The following TTC9 variants were observed in gnomAD, a reference collection of about 807,000 sequenced individuals.
The protein encoded by TTC9 is tetratricopeptide repeat protein 9A.
Under a neutral mutation model 22.9 loss-of-function variants are expected in TTC9, and 13 were observed. The ratio of observed to expected loss-of-function variants is 0.57; its 90% CI spans 0.37 to 0.90. The LOEUF (loss-of-function observed/expected upper bound fraction) is 0.90, where lower values mean the gene tolerates loss of function less well. Among genes scored for constraint, TTC9 ranks in the 40% least tolerant of loss-of-function variants. The pLI is 0.01. For synonymous variants in TTC9, 148 were observed against 133.2 expected (o/e 1.11, Z -0.77); for missense variants, 280 against 291.8 (o/e 0.96, Z 0.29).
chr14:70,674,629 A>G lies in TTC9; in HGVS notation c.*3474A>G, dbSNP rs1001205858. On this transcript the variant is annotated 3_prime_UTR_variant, in exon 3 of 3. Transcript: ENST00000256367. Reference sequence around the variant, plus strand: ...TTCCCTCTAATTTATTTTGCATCCTAGTGGAGATGCTTACACATTGTCAAA... The same window carrying G: ...TTCCCTCTAATTTATTTTGCATCCTGGTGGAGATGCTTACACATTGTCAAA... The G allele has an allele frequency of 2.9e-4, 44 of 152,226 alleles. No homozygotes were observed. Among genetic ancestry groups the G allele is most frequent in the African/African-American group, 1.1e-3 (44 of 41,460 alleles). The allele number at this position is 152,226 out of a possible 1,614,324, so 9.4% of individuals were successfully genotyped here.
intron 1 of TTC9, among the ~76,000 whole-genome samples, chr14:70,647,435 A>G (rs1885918862): frequency 6.6e-6 from 1 of 152,210 alleles, no homozygotes; most frequent in Non-Finnish European, 1.5e-5. Flanking sequence ...GTTGGCTAAT[A>G]TGGGAAAGCA....
At chr14:70,642,902 G>A (rs1230216159) in intron 1 of TTC9, among the ~76,000 whole-genome samples, 1 of 152,198 alleles carries the variant, frequency 6.6e-6, no homozygotes, top group African/African-American at 2.4e-5. Flanking sequence ...TTTTCCTGCG[G>A]GTGGGTCCCA....
intron 1 of TTC9, among the ~76,000 whole-genome samples, chr14:70,664,543 T>C (rs1045397719): frequency 2.0e-5 from 3 of 151,984 alleles, no homozygotes; most frequent in African/African-American, 7.3e-5. Context: ...CTGACCAATA[T>C]GGTGAAACCC....
chr14:70,662,190 T>C (rs1886153258), intron 1 of TTC9, among the ~76,000 whole-genome samples: 1 of 152,194 alleles, frequency 6.6e-6, no homozygotes, highest in Non-Finnish European at 1.5e-5. Flanking sequence ...TTCCACCCTG[T>C]ACCTCTTCTG....
At chr14:70,662,898 T>C (rs1458547239) in intron 1 of TTC9, among the ~76,000 whole-genome samples, 1 of 152,190 alleles carries the variant, frequency 6.6e-6, no homozygotes, top group African/African-American at 2.4e-5. Flanking sequence ...AAATCCAAAA[T>C]GACAATAAAG....
intron 1 of TTC9, among the ~76,000 whole-genome samples, chr14:70,652,264 AG>A (rs1390478683): frequency 6.6e-6 from 1 of 152,356 alleles, no homozygotes; most frequent in East Asian, 1.9e-4. Flanking sequence ...ATGTGCTGAC[AG>A]TAAGTATTAA....
At chr14:70,665,162 AAGTGTCTGTTC>A (rs1224091472) in intron 1 of TTC9, among the ~76,000 whole-genome samples, 1 of 152,112 alleles carries the variant, frequency 6.6e-6, no homozygotes, top group Non-Finnish European at 1.5e-5. Flanking sequence ...CAGCAAACAG[AAGTGTCTGTTC>A]AAAGAGGGAG....
intron 1 of TTC9, 35 bp downstream of exon 1, chr14:70,642,570 CG>C (rs1230683352): frequency 1.9e-5 from 29 of 1,512,958 alleles, no homozygotes; most frequent in Non-Finnish European, 2.6e-5. Flanking sequence ...CCGCGGTCCC[CG>C]TTCTTCGGCC....
At chr14:70,654,460 A>G (rs972155188) in intron 1 of TTC9, among the ~76,000 whole-genome samples, 3 of 151,454 alleles carry the variant, frequency 2.0e-5, no homozygotes, top group East Asian at 1.9e-4. Context: ...GCGTGGCGGT[A>G]TATGCTTGTA....
intron 1 of TTC9, among the ~76,000 whole-genome samples, chr14:70,667,129 A>G (rs1886226390): frequency 1.3e-5 from 2 of 152,124 alleles, no homozygotes. Flanking sequence ...CCCATGTTTT[A>G]TCATGTCGTC....
At chr14:70,657,731 C>T (rs1348552019) in intron 1 of TTC9, among the ~76,000 whole-genome samples, 3 of 152,152 alleles carry the variant, frequency 2.0e-5, no homozygotes, top group South Asian at 2.1e-4. Flanking sequence ...TTTGGGAGGC[C>T]GAGGCGGGCA....
chr14:70,652,617 T>G (rs1391781956), intron 1 of TTC9, among the ~76,000 whole-genome samples: 1 of 152,222 alleles, frequency 6.6e-6, no homozygotes, highest in East Asian at 1.9e-4. Flanking sequence ...ATAAACAGAC[T>G]GGCAAGAGTT....
At chr14:70,648,703 A>G (rs1410919982) in intron 1 of TTC9, among the ~76,000 whole-genome samples, 1 of 152,356 alleles carries the variant, frequency 6.6e-6, no homozygotes, top group East Asian at 1.9e-4. Flanking sequence ...TCAATCAACC[A>G]ACTAGAGATT....
Position 70,642,476 on chromosome 14 carries a change from CGGA to C in TTC9, c.352_354del (p.Glu118del). On this transcript the variant is annotated inframe_deletion, in exon 1 of 3. Coordinates refer to ENST00000256367, the MANE Select transcript of TTC9 (RefSeq NM_015351.2). ...GGGGCCCTGAAGCCCGGCCGCCTCT[CGGA>C]GGAGCAGAGCAAGACGGTGGAAGCC... The C allele has an allele frequency of 6.5e-7, 1 of 1,550,068 alleles. No individual in the cohort carries two copies. Among genetic ancestry groups the C allele is most frequent in the East Asian group, 2.5e-5 (1 of 40,422 alleles).
rs751115963 is a variant in TTC9, at chr14:70,667,612, A to G, written c.455A>G (p.Tyr152Cys). ...GTAAACTATGAACGAGTCAAGGAAT[A>G]TTGCCTCAAAGTCTTGAAGAAGGAA... is the stretch of plus-strand genomic sequence containing the variant. ...ELVNYERVKEYCLKVLKKEGE... is the reference protein window; with the variant it reads ...ELVNYERVKECCLKVLKKEGE... Residue 152 changes from tyrosine to cysteine, a missense_variant, in exon 2 of 3, where the codon TAT (tyrosine) becomes TGT (cysteine). Tyr to Cys is a radical substitution (Grantham distance 194). Coordinates refer to ENST00000256367, the MANE Select transcript of TTC9 (RefSeq NM_015351.2). 3 of 1,614,012 alleles carry G rather than the reference A, an allele frequency of 1.9e-6. No homozygotes were observed. In the Admixed American group the frequency reaches 5.0e-5, roughly 27 times the overall value.
At chr14:70,646,604 C>A (rs1885905242) in intron 1 of TTC9, among the ~76,000 whole-genome samples, 1 of 152,176 alleles carries the variant, frequency 6.6e-6, no homozygotes. Flanking sequence ...TGGCATTGGA[C>A]CTGAAGGCTA....
intron 1 of TTC9, among the ~76,000 whole-genome samples, chr14:70,663,505 C>G (rs535951656): frequency 6.6e-6 from 1 of 152,352 alleles, no homozygotes; most frequent in South Asian, 2.1e-4. Context: ...AGTGCTGAGG[C>G]TGAGAAATAC....
chr14:70,642,290 T>G lies in TTC9; in HGVS notation c.161T>G (p.Ile54Ser). 1 of 1,533,826 alleles carries G rather than the reference T, an allele frequency of 6.5e-7. No individual in the cohort carries two copies. The highest frequency in any genetic ancestry group is 8.8e-7 in the Non-Finnish European group (1 of 1,140,338). The change falls in exon 1 of 3, where the codon ATC becomes AGC. Residue 54 changes from isoleucine (I) to serine (S), a missense_variant. Ile to Ser is a moderately radical substitution (Grantham distance 142). This residue lies in a region of TTC9 where 165 missense variants were observed against 145.4 expected (regional missense o/e 1.14). Transcript: ENST00000256367. ...VGAAAEPAELIRRAHEFKSQG... is the reference protein window; with the variant it reads ...VGAAAEPAELSRRAHEFKSQG... ...GCGGCGGCCGAGCCGGCCGAGCTCA[T>G]CCGACGAGCGCACGAGTTCAAAAGC...
At chr14:70,644,389 T>C (rs1373224183) in intron 1 of TTC9, among the ~76,000 whole-genome samples, 2 of 152,234 alleles carry the variant, frequency 1.3e-5, no homozygotes, top group Non-Finnish European at 2.9e-5. Context: ...TCTCCAGTGC[T>C]CACCACTTAT....
Sources: allele counts gnomAD v4.1 joint callset (sites outside exome capture counted in the v4.1 genomes callset), GRCh38; gene constraint gnomAD v4.1.1; regional missense constraint gnomAD v4.1.1; transcripts MANE v1.5; gene names NCBI Gene and HGNC (gene_info 2026-07-23, HGNC 2026-07-21).